Variants in AR observed in about 807,000 individuals in gnomAD.
The protein encoded by AR is dihydrotestosterone receptor.
In AR, 8 loss-of-function variants were observed where a neutral mutation model predicts 53.9. The observed-to-expected ratio is 0.15, with a 90% CI of 0.09 to 0.27. The LOEUF is 0.27. AR is among the 10% of genes least tolerant of loss of function. The pLI, the probability that AR is intolerant of heterozygous loss-of-function variation, is 1.00. For missense variants in AR, 639 were observed against 742.5 expected, an observed-to-expected ratio of 0.86 and a Z score of 1.62; for synonymous variants, 359 against 316.4, an observed-to-expected ratio of 1.13 and a Z score of -1.43.
chrX:67,624,844 T>A (rs1052271801), intron 1 of AR, among the ~76,000 whole-genome samples: 13 of 91,423 alleles, frequency 1.4e-4, no homozygotes, highest in African/African-American at 5.6e-4. Flanking sequence ...AAGACAAGGA[T>A]GACTGTTCTC....
Position 67,586,048 on chromosome X carries a change from T to A in AR, c.1616+39286T>A, listed in dbSNP as rs191623929. ...GGCTTTTCAAGAGGGTACTTGTTTTTTAAGAGAAGACCCTTGAAGGACAGA... is the reference window on the plus strand; with the variant it reads ...GGCTTTTCAAGAGGGTACTTGTTTTATAAGAGAAGACCCTTGAAGGACAGA... On this transcript the variant is annotated intron_variant, in intron 1 of 7. Transcript: ENST00000374690. Among the ~76,000 whole-genome samples, 8 of 111,912 alleles carry A rather than the reference T, an allele frequency of 7.1e-5. No homozygotes were observed. The East Asian group carries it at 2.3e-3, about 32-fold the overall frequency.
intron 6 of AR, chrX:67,722,322 C>G (rs1038844483): frequency 8.5e-6 from 2 of 235,214 alleles, no homozygotes; most frequent in Admixed American, 6.1e-5. Flanking sequence ...GGCAGTAGAG[C>G]AGGAGGCATT....
At chrX:67,705,715 T>C (rs2076063727) in intron 3 of AR, among the ~76,000 whole-genome samples, 1 of 111,852 alleles carries the variant, frequency 8.9e-6, no homozygotes, top group Non-Finnish European at 1.9e-5. Flanking sequence ...GGCATCCCTG[T>C]CTTGTGCCAG....
rs1314501209 is a variant in AR at position 67,722,854 on chromosome X, A to T, written c.2477A>T (p.Lys826Ile). The T allele has an allele frequency of 8.3e-7, 1 of 1,209,217 alleles. No homozygotes were observed. The highest frequency in any genetic ancestry group is 1.1e-6 in the Non-Finnish European group (1 of 894,954). ...IIPVDGLKNQKFFDELRMNYI... is the reference protein window; with the variant it reads ...IIPVDGLKNQIFFDELRMNYI... Reference sequence around the variant, plus strand: ...CCAGTGGATGGGCTGAAAAATCAAAAATTCTTTGATGAACTTCGAATGAAC... The same window carrying T: ...CCAGTGGATGGGCTGAAAAATCAAATATTCTTTGATGAACTTCGAATGAAC... Residue 826 changes from lysine to isoleucine, a missense_variant, in exon 7 of 8, where the codon AAA (lysine) becomes ATA (isoleucine). Lys to Ile is a moderately radical substitution (Grantham distance 102). Coordinates refer to ENST00000374690, the MANE Select transcript of AR (RefSeq NM_000044.6).
chrX:67,652,964 A>G, intron 2 of AR, among the ~76,000 whole-genome samples: 1 of 111,881 alleles, frequency 8.9e-6, no homozygotes, highest in Non-Finnish European at 1.9e-5. Flanking sequence ...TCTATAACCC[A>G]GAGAAGATTA....
At chrX:67,636,109 C>A (rs1290583008) in intron 1 of AR, among the ~76,000 whole-genome samples, 3 of 111,200 alleles carry the variant, frequency 2.7e-5, no homozygotes, top group Non-Finnish European at 5.7e-5. Flanking sequence ...TTGCATCAAC[C>A]CTATTAGAAT....
rs761093097 is a variant in AR at position 67,622,352 on chromosome X, A to G, written c.1617-20904A>G. On this transcript the variant is annotated intron_variant, in intron 1 of 7. Transcript: ENST00000374690. ...AAAATTGGCTCACAGAAGACAGCAGATGTGGCTTGGGAAATGCAAGGACAT... is the reference window on the plus strand; with the variant it reads ...AAAATTGGCTCACAGAAGACAGCAGGTGTGGCTTGGGAAATGCAAGGACAT... Among the ~76,000 whole-genome samples, 5 of 111,515 alleles carry G rather than the reference A, an allele frequency of 4.5e-5. No individual in the cohort carries two copies. The East Asian group carries it at 8.5e-4, about 19-fold the overall frequency.
chrX:67,545,140 C>T lies in AR; in HGVS notation c.-7C>T. 1 of 1,197,024 alleles carries T rather than the reference C, an allele frequency of 8.4e-7. No individual in the cohort carries two copies. The highest frequency in any genetic ancestry group is 1.8e-5 in the African/African-American group (1 of 57,060). The stretch of plus-strand genomic sequence containing the variant: ...GAAGTAGGTGGAAGATTCAGCCAAG[C>T]TCAAGGATGGAAGTGCAGTTAGGGC... On this transcript the variant is annotated 5_prime_UTR_variant, in exon 1 of 8. Transcript: ENST00000374690.
At chrX:67,717,700 T>A (rs2147531471) in intron 5 of AR, 78 bp downstream of exon 5, 1 of 1,159,705 alleles carries the variant, frequency 8.6e-7, no homozygotes, top group Non-Finnish European at 1.2e-6. Flanking sequence ...GGTGATGGGG[T>A]GACAGTGAAG....
intron 3 of AR, among the ~76,000 whole-genome samples, chrX:67,702,806 G>T (rs1305871658): frequency 8.9e-6 from 1 of 112,441 alleles, no homozygotes. Flanking sequence ...GTTCCAGGCT[G>T]GGTGTGGTGG....
chrX:67,602,683 G>C (rs746141143), intron 1 of AR, among the ~76,000 whole-genome samples: 1 of 111,494 alleles, frequency 9.0e-6, no homozygotes, highest in Admixed American at 9.5e-5. Context: ...AATTCTGTCA[G>C]TGAACTTGAA....
At chrX:67,633,269 C>G (rs1490776793) in intron 1 of AR, among the ~76,000 whole-genome samples, 1 of 111,815 alleles carries the variant, frequency 8.9e-6, no homozygotes, top group South Asian at 3.8e-4. Flanking sequence ...GGTAGTTTTT[C>G]TATCCTCACC....
intron 3 of AR, among the ~76,000 whole-genome samples, chrX:67,698,748 T>C (rs2076031028): frequency 1.8e-5 from 2 of 111,941 alleles, no homozygotes; most frequent in Non-Finnish European, 3.8e-5. Flanking sequence ...TCATACTGTC[T>C]CACCCTTGCT....
intron 1 of AR, among the ~76,000 whole-genome samples, chrX:67,631,955 G>A (rs975543557): frequency 1.0e-5 from 1 of 100,226 alleles, no homozygotes; most frequent in African/African-American, 3.8e-5. Context: ...CTGCTCAGGG[G>A]TCAGGGGTCA....
intron 1 of AR, among the ~76,000 whole-genome samples, chrX:67,549,996 A>G (rs1333533089): frequency 8.9e-6 from 1 of 112,160 alleles, no homozygotes; most frequent in African/African-American, 3.2e-5. Context: ...ATTTCTGCCC[A>G]TAGGCTTCAG....
intron 2 of AR, among the ~76,000 whole-genome samples, chrX:67,657,990 T>C (rs1380531776): frequency 8.9e-6 from 1 of 111,981 alleles, no homozygotes; most frequent in African/African-American, 3.2e-5. Context: ...TAAGAATTTA[T>C]GAAAGGGCCC....
chrX:67,701,319 A>T (rs1046792287), intron 3 of AR, among the ~76,000 whole-genome samples: 1 of 111,209 alleles, frequency 9.0e-6, no homozygotes, highest in African/African-American at 3.3e-5. Flanking sequence ...TCTCAGAGAG[A>T]CACATGCTGA....
rs111758742 is a variant in AR at position 67,604,854 on chromosome X, A to G, written c.1617-38402A>G. Among the ~76,000 whole-genome samples the G allele has an allele frequency of 1.5e-3, 162 of 111,695 alleles. 1 individual carries two copies. The highest frequency in any genetic ancestry group is 4.9e-3 in the African/African-American group (150 of 30,786). On this transcript the variant is annotated intron_variant, in intron 1 of 7. Transcript: ENST00000374690. The stretch of plus-strand genomic sequence containing the variant: ...ATGACACCTTCTCCCAGAGATTCTG[A>G]TATATATTCCTCTGCACTCACCCTG...
chrX:67,547,142 C>G (rs188802072), intron 1 of AR, among the ~76,000 whole-genome samples: 2 of 111,694 alleles, frequency 1.8e-5, no homozygotes, highest in African/African-American at 6.5e-5. Flanking sequence ...AGAACCTCAA[C>G]AGGAATTTGG....
Sources: allele counts gnomAD v4.1 joint callset (sites outside exome capture counted in the v4.1 genomes callset), GRCh38; gene constraint gnomAD v4.1.1; transcripts MANE v1.5; gene names NCBI Gene and HGNC (gene_info 2026-07-23, HGNC 2026-07-21).